SCFD2: variants seen among roughly 807,000 people sequenced by gnomAD.
SCFD2 encodes sec1 family domain-containing protein 2.
SCFD2 carries 54 observed loss-of-function variants against 58.9 expected under a neutral mutation model. The observed-to-expected ratio is 0.92, with a 90% CI of 0.74 to 1.15. The LOEUF is 1.15. Among genes scored for constraint, SCFD2 ranks in the 50% most tolerant of loss-of-function variants. The pLI is 0.00. For synonymous variants in SCFD2, 321 were observed against 335.9 expected, an observed-to-expected ratio of 0.96 and a Z score of 0.49; for missense variants, 805 against 836.6, an observed-to-expected ratio of 0.96 and a Z score of 0.47.
intron 5 of SCFD2, among the ~76,000 whole-genome samples, chr4:53,009,595 T>C (rs1722051818): frequency 6.6e-6 from 1 of 152,216 alleles, no homozygotes; most frequent in Admixed American, 6.5e-5. Flanking sequence ...CAAATGATTA[T>C]GGCTTTCCCT....
intron 1 of SCFD2, among the ~76,000 whole-genome samples, chr4:53,359,532 C>T (rs1384674988): frequency 6.6e-6 from 1 of 152,128 alleles, no homozygotes; most frequent in Non-Finnish European, 1.5e-5. Context: ...TTGAGACCAG[C>T]CTGCGAACAA....
intron 7 of SCFD2, among the ~76,000 whole-genome samples, chr4:52,898,466 A>C (rs1052104623): frequency 3.9e-5 from 6 of 152,098 alleles, no homozygotes; most frequent in African/African-American, 1.4e-4. Context: ...AGCGGTTTTG[A>C]GTGAGTTTCT....
intron 2 of SCFD2, among the ~76,000 whole-genome samples, chr4:53,318,235 A>G (rs1338852814): frequency 6.6e-6 from 1 of 152,244 alleles, no homozygotes; most frequent in Non-Finnish European, 1.5e-5. Flanking sequence ...ATAGAAAGTT[A>G]GTGTTTTTCT....
chr4:52,927,415 G>C (rs1560483378), intron 5 of SCFD2, among the ~76,000 whole-genome samples: 1 of 152,012 alleles, frequency 6.6e-6, no homozygotes. Context: ...AGTGGAACCA[G>C]AAGTTAAAGA....
chr4:53,128,161 A>T (rs1725688295), intron 5 of SCFD2, among the ~76,000 whole-genome samples: 1 of 152,036 alleles, frequency 6.6e-6, no homozygotes, highest in Non-Finnish European at 1.5e-5. Context: ...AATTGGCTCA[A>T]GAAAAAACGT....
chr4:53,036,482 G>A (rs1722762740), intron 5 of SCFD2, among the ~76,000 whole-genome samples: 1 of 150,962 alleles, frequency 6.6e-6, no homozygotes, highest in Non-Finnish European at 1.5e-5. Context: ...AGAAAATGTG[G>A]CACAAATACA....
Position 53,110,041 on chromosome 4 carries a change from G to GGAACAGAACAGAACAGAACAGAACA in SCFD2, c.1561+35267_1561+35291dup, listed in dbSNP as rs56074725. Among the ~76,000 whole-genome samples, 84 of 151,274 alleles carry GGAACAGAACAGAACAGAACAGAACA rather than the reference G, an allele frequency of 5.6e-4. 2 individuals are homozygous for GGAACAGAACAGAACAGAACAGAACA. Among genetic ancestry groups the GGAACAGAACAGAACAGAACAGAACA allele is most frequent in the Admixed American group, 1.7e-3 (26 of 15,182 alleles). On this transcript the variant is annotated intron_variant, in intron 5 of 8. Transcript: ENST00000401642. ...TACCAAAACAGATATACAGACCAAT[G>GGAACAGAACAGAACAGAACAGAACA]GAACAGAACAGAACAGAACAGAACA...
intron 5 of SCFD2, among the ~76,000 whole-genome samples, chr4:53,098,039 A>G (rs1436466827): frequency 6.6e-6 from 1 of 152,134 alleles, no homozygotes; most frequent in African/African-American, 2.4e-5. Context: ...CCTATGTTGA[A>G]CCAGCCTTGC....
intron 4 of SCFD2, among the ~76,000 whole-genome samples, chr4:53,255,385 G>A (rs972040189): frequency 1.3e-4 from 20 of 152,166 alleles, no homozygotes; most frequent in African/African-American, 4.1e-4. Context: ...GTGTCCCTGG[G>A]TACTTAAGAT....
At chr4:53,100,914 A>G (rs1724814560) in intron 5 of SCFD2, among the ~76,000 whole-genome samples, 1 of 152,174 alleles carries the variant, frequency 6.6e-6, no homozygotes, top group Admixed American at 6.6e-5. Flanking sequence ...TGCATAAATA[A>G]TCACCACGAC....
chr4:53,145,715 T>C, intron 4 of SCFD2, 133 bp from the exon 5 acceptor site: 1 of 841,968 alleles, frequency 1.2e-6, no homozygotes, highest in East Asian at 2.7e-5. Flanking sequence ...TTTATTTGTG[T>C]GTTTCTTGTC....
intron 4 of SCFD2, among the ~76,000 whole-genome samples, chr4:53,188,264 C>T (rs754816720): frequency 2.0e-5 from 3 of 152,092 alleles, no homozygotes; most frequent in Non-Finnish European, 2.9e-5. Context: ...GAAACACTTC[C>T]AATCTGTGTT....
rs555916463 is a variant in SCFD2 at position 52,992,368 on chromosome 4, G to A, written c.1562-71498C>T. ...GGCTGGAGTGCAGTGGCGTGATCTC[G>A]GCTCGCTACAACCTCCACCTCCCAG... On this transcript the variant is annotated intron_variant, in intron 5 of 8. Transcript: ENST00000401642. Among the ~76,000 whole-genome samples, 44 of 152,272 alleles carry A rather than the reference G, an allele frequency of 2.9e-4. No homozygotes were observed. The South Asian group carries it at 8.3e-3, about 29-fold the overall frequency.
intron 5 of SCFD2, among the ~76,000 whole-genome samples, chr4:53,128,963 G>A (rs1169853184): frequency 6.6e-6 from 1 of 152,188 alleles, no homozygotes; most frequent in Non-Finnish European, 1.5e-5. Flanking sequence ...ACATCACTAT[G>A]TGAGAAGAAC....
intron 5 of SCFD2, among the ~76,000 whole-genome samples, chr4:53,030,930 G>A (rs1325969706): frequency 6.6e-6 from 1 of 152,170 alleles, no homozygotes; most frequent in African/African-American, 2.4e-5. Flanking sequence ...CTCCCACACA[G>A]CAGAAGACTT....
chr4:53,107,615 C>G (rs1394980597), intron 5 of SCFD2, among the ~76,000 whole-genome samples: 1 of 151,986 alleles, frequency 6.6e-6, no homozygotes, highest in African/African-American at 2.4e-5. Context: ...CAACAAAGAT[C>G]AAAAAAGAAA....
At chr4:52,944,747 G>A (rs1720381679) in intron 5 of SCFD2, among the ~76,000 whole-genome samples, 1 of 152,170 alleles carries the variant, frequency 6.6e-6, no homozygotes, top group South Asian at 2.1e-4. Flanking sequence ...GTTGCCTAAT[G>A]CTTGATCAGA....
At chr4:53,116,647 GT>G (rs1316343104) in intron 5 of SCFD2, among the ~76,000 whole-genome samples, 1 of 152,308 alleles carries the variant, frequency 6.6e-6, no homozygotes, top group African/African-American at 2.4e-5. Context: ...TGATAACACT[GT>G]TCCAGCTTCT....
chr4:53,252,964 G>C (rs1270501088), intron 4 of SCFD2, among the ~76,000 whole-genome samples: 1 of 152,046 alleles, frequency 6.6e-6, no homozygotes, highest in African/African-American at 2.4e-5. Flanking sequence ...CTACAAAATG[G>C]GAGAAAATTT....
Sources: allele counts gnomAD v4.1 joint callset (sites outside exome capture counted in the v4.1 genomes callset), GRCh38; gene constraint gnomAD v4.1.1; transcripts MANE v1.5; gene names NCBI Gene and HGNC (gene_info 2026-07-23, HGNC 2026-07-21).